Variants in CRB2 observed in about 807,000 individuals in gnomAD.
CRB2 encodes crumbs cell polarity complex component 2, also known as protein crumbs homolog 2.
CRB2 carries 85 observed loss-of-function variants against 110.9 expected under a neutral mutation model. That is an observed-to-expected ratio of 0.77 (90% confidence interval 0.64 to 0.92). CRB2 has a LOEUF of 0.92. Ranked by LOEUF, CRB2 falls within the 40% of genes least tolerant of loss-of-function variation. The pLI is 0.00. For synonymous variants in CRB2, 907 were observed against 831.0 expected, an observed-to-expected ratio of 1.09 and a Z score of -1.57; for missense variants, 1,843 against 1,851.3, an observed-to-expected ratio of 1.00 and a Z score of 0.08.
chr9:123,366,450 G>T, intron 4 of CRB2, 84 bp downstream of exon 4: 2 of 1,440,168 alleles, frequency 1.4e-6, no homozygotes, highest in Non-Finnish European at 1.8e-6. Context: ...CAGGTGTGTG[G>T]CTGCACGCGA....
At chr9:123,354,855 AGAG>A (rs1344659376), upstream of CRB2, among the ~76,000 whole-genome samples, 1 of 152,142 alleles carries the variant, frequency 6.6e-6, no homozygotes, top group Non-Finnish European at 1.5e-5. Flanking sequence ...GCCCCGGGCT[AGAG>A]GGTCGGCCAG....
downstream of CRB2, chr9:123,378,831 T>TTTTTTTTG (rs1588228025): frequency 1.5e-5 from 2 of 132,082 alleles, no homozygotes. Flanking sequence ...TTTTTTTTTT[T>TTTTTTTTG]TGAGATGGAG....
chr9:123,370,845 A>T lies in CRB2; in HGVS notation c.1792A>T (p.Asn598Tyr). 1 of 1,607,048 alleles carries T rather than the reference A, an allele frequency of 6.2e-7. No homozygotes were observed. Among genetic ancestry groups the T allele is most frequent in the Non-Finnish European group, 8.5e-7 (1 of 1,179,778 alleles). Residue 598 changes from asparagine (N) to tyrosine (Y), a missense_variant, in exon 7 of 13, where the codon AAC (asparagine) becomes TAC (tyrosine). Transcript: ENST00000373631. The part of the protein sequence containing the change: ...HLLLPEDLGE[N>Y]VLLGCERREQ... ...CCTGCTGCCTGAGGATCTCGGTGAG[A>T]ACGTCCTCCTGGGCTGTGAGCGCCG...
intron 1 of CRB2, among the ~76,000 whole-genome samples, chr9:123,359,044 C>G (rs1055453152): frequency 6.6e-6 from 1 of 152,204 alleles, no homozygotes; most frequent in Non-Finnish European, 1.5e-5. Flanking sequence ...CCCAAACTCT[C>G]AAGGGTTGGT....
Position 123,367,310 on chromosome 9 carries a change from T to G in CRB2, c.893T>G (p.Phe298Cys). ...GCCGCCTTCCCTGGCGCCTTCAGCT[T>G]CCGCCATGCTGCGGGTTTCCTGTGC... ...VQAAFPGAFS[F>C]RHAAGFLCHC... Residue 298 changes from phenylalanine (F) to cysteine (C), a missense_variant, in exon 5 of 13, where the codon TTC becomes TGC. Physicochemically the swap from Phe to Cys is radical, Grantham distance 205. Coordinates refer to ENST00000373631, the MANE Select transcript of CRB2 (RefSeq NM_173689.7). 6.2e-7 allele frequency: 1 copy of G among 1,604,434 alleles called. No homozygotes were observed. The highest frequency in any genetic ancestry group is 8.5e-7 in the Non-Finnish European group (1 of 1,179,518).
In CRB2 at chr9:123,373,936, A is replaced by AG. The variant is rs534788085; in HGVS notation, c.3389+22dup. 9,653 of 1,549,276 alleles carry AG rather than the reference A, an allele frequency of 6.2e-3. 42 individuals carry two copies. Among genetic ancestry groups the AG allele is most frequent in the Middle Eastern group, 9.6e-3 (57 of 5,910 alleles). On this transcript the variant is annotated intron_variant, in intron 10 of 12. Transcript: ENST00000373631. ...CGCGCTGCAGGTGGGATGGCTGGGCAGGGGGGTGGGCTGCGAATGCCCCCT... is the reference window on the plus strand; with the variant it reads ...CGCGCTGCAGGTGGGATGGCTGGGCAGGGGGGGTGGGCTGCGAATGCCCCCT...
intron 1 of CRB2, among the ~76,000 whole-genome samples, chr9:123,357,874 AC>A (rs2041818363): frequency 6.6e-6 from 1 of 152,200 alleles, no homozygotes; most frequent in Non-Finnish European, 1.5e-5. Context: ...ACACCCCAAC[AC>A]GCACATGTGG....
At position 123,366,154 on chromosome 9, in the gene CRB2, C is replaced by G. The variant is rs747580919; in HGVS notation, c.614+42C>G. Reference sequence around the variant, plus strand: ...GCAGGCGGCAGGGGCGCCGGGTGCCCGAGGGCGGGGAGGCCAGGCGCGGGG... The same window carrying G: ...GCAGGCGGCAGGGGCGCCGGGTGCCGGAGGGCGGGGAGGCCAGGCGCGGGG... On this transcript the variant is annotated intron_variant, in intron 3 of 12. Coordinates refer to ENST00000373631, the MANE Select transcript of CRB2 (RefSeq NM_173689.7). 11 of 1,378,418 alleles carry G rather than the reference C, an allele frequency of 8.0e-6. No homozygotes were observed. In the Middle Eastern group the frequency reaches 7.2e-4, roughly 91 times the overall value. 85.4% of individuals were successfully genotyped at this position (1,378,418 alleles called of 1,614,324 possible). A position where few individuals can be genotyped will look rare whatever the true frequency, so the allele number is the denominator to read the frequency against.
At chr9:123,369,517 G>A (rs148513140) in intron 6 of CRB2, among the ~76,000 whole-genome samples, 65 of 152,270 alleles carry the variant, frequency 4.3e-4, no homozygotes, top group African/African-American at 1.4e-3. Context: ...TTGAAAGGAA[G>A]GGTAAGGGTG....
At chr9:123,361,062 C>T (rs1170380396) in intron 1 of CRB2, among the ~76,000 whole-genome samples, 1 of 151,176 alleles carries the variant, frequency 6.6e-6, no homozygotes, top group Non-Finnish European at 1.5e-5. Context: ...AGGATCCTTT[C>T]CCCGGTGCTG....
rs758002572 is a variant in CRB2 at position 123,372,302 on chromosome 9, C to T, written c.2562C>T (p.Leu854=). 1.7e-5 allele frequency: 27 copies of T among 1,610,726 alleles called. 1 individual carries two copies. In the South Asian group the frequency reaches 3.0e-4, roughly 18 times the overall value. ...QQLWCPGQPC[L]PPATCEEVPD... Reference sequence around the variant, plus strand: ...TGTGGTGTCCCGGCCAGCCCTGTCTCCCACCTGCCACGTGTGAGGAGGTCC... The same window carrying T: ...TGTGGTGTCCCGGCCAGCCCTGTCTTCCACCTGCCACGTGTGAGGAGGTCC... Residue 854 remains leucine (L), a synonymous_variant, in exon 9 of 13, where the codon CTC becomes CTT. Transcript: ENST00000373631.
chr9:123,377,119 A>G lies in CRB2; in HGVS notation c.*57A>G, dbSNP rs147214939. On this transcript the variant is annotated 3_prime_UTR_variant, in exon 13 of 13. Coordinates refer to ENST00000373631, the MANE Select transcript of CRB2 (RefSeq NM_173689.7). ...GGTCCTGAATGGTTTCTACCTGGAG[A>G]CCCAAGGAAGCTGCTTCCAGGGCTC... 1.4e-6 allele frequency: 2 copies of G among 1,424,698 alleles called. No individual in the cohort carries two copies. The highest frequency in any genetic ancestry group is 2.9e-5 in the African/African-American group (2 of 69,792). The allele number at this position is 1,424,698 out of a possible 1,614,324, so 88.3% of individuals were successfully genotyped here.
At position 123,370,149 on chromosome 9, in the gene CRB2, C is replaced by T; in HGVS notation, c.1096C>T (p.Pro366Ser). Residue 366 changes from proline (P) to serine (S), a missense_variant, in exon 7 of 13, where the codon CCC (proline) becomes TCC (serine). Coordinates refer to ENST00000373631, the MANE Select transcript of CRB2 (RefSeq NM_173689.7). ...AGATGTGGATGAATGCCTGTCGGATCCCTGCCTGCACGGCGGAACCTGCAG... is the reference window on the plus strand; with the variant it reads ...AGATGTGGATGAATGCCTGTCGGATTCCTGCCTGCACGGCGGAACCTGCAG... Reference protein sequence around the residue: ...EEDVDECLSDPCLHGGTCSDT... With the variant: ...EEDVDECLSDSCLHGGTCSDT... 2 of 1,605,092 alleles carry T rather than the reference C, an allele frequency of 1.2e-6. No individual in the cohort carries two copies. The highest frequency in any genetic ancestry group is 3.3e-4 in the Middle Eastern group (2 of 6,040).
intron 11 of CRB2, 151 bp downstream of exon 11, chr9:123,374,846 G>T: frequency 1.6e-6 from 1 of 635,172 alleles, no homozygotes; most frequent in Non-Finnish European, 2.7e-6. Flanking sequence ...TCCATGACTC[G>T]CAAGACCATC....
At position 123,373,501 on chromosome 9, in the gene CRB2, C is replaced by T; in HGVS notation, c.2970C>T (p.Ala990=). The T allele has an allele frequency of 6.8e-7, 1 of 1,466,112 alleles. No individual in the cohort carries two copies. 90.8% of individuals were successfully genotyped at this position (1,466,112 alleles called of 1,614,324 possible). A position where few individuals can be genotyped will look rare whatever the true frequency, so the allele number is the denominator to read the frequency against. The change falls in exon 10 of 13, where the codon GCC becomes GCT. Residue 990 remains alanine, a synonymous_variant. Transcript: ENST00000373631. ...CCCCGGTGGCGCTGCGCGGCCTGGC[C>T]AGTGACCTGGGCTTCCTGCAGGGCC... ...AATPVALRGL[A]SDLGFLQGPG...
Position 123,374,692 on chromosome 9 carries a change from A to T in CRB2, c.3503A>T (p.Gln1168Leu). ...NCSCLEGLAGQRCQVPTLPCE... is the reference protein window; with the variant it reads ...NCSCLEGLAGLRCQVPTLPCE... ...AGCTGCCTGGAGGGTCTTGCTGGCC[A>T]GAGGTGGGTCTGGGGGCCTGGGAAC... The change falls in exon 11 of 13, where the codon CAG becomes CTG. Residue 1168 changes from glutamine (Q) to leucine (L), a missense_variant. Coordinates refer to ENST00000373631, the MANE Select transcript of CRB2 (RefSeq NM_173689.7). 1 of 1,606,988 alleles carries T rather than the reference A, an allele frequency of 6.2e-7. No individual in the cohort carries two copies. The highest frequency in any genetic ancestry group is 1.1e-5 in the South Asian group (1 of 90,978).
chr9:123,376,693 C>G (rs769082890), intron 12 of CRB2, 145 bp from the exon 13 acceptor site: 3 of 734,926 alleles, frequency 4.1e-6, no homozygotes, highest in Non-Finnish European at 6.6e-6. Flanking sequence ...ACCCCTGGGG[C>G]TGGGTCTTCA....
At chr9:123,368,704 G>A in intron 6 of CRB2, 1 of 989,592 alleles carries the variant, frequency 1.0e-6, no homozygotes, top group Non-Finnish European at 1.2e-6. Flanking sequence ...GGGGACCCCA[G>A]CTGCAGGGCT....
Position 123,373,309 on chromosome 9 carries a change from T to G in CRB2, c.2778T>G (p.Asn926Lys). 6.8e-7 allele frequency: 1 copy of G among 1,462,340 alleles called. No individual in the cohort carries two copies. Among genetic ancestry groups the G allele is most frequent in the South Asian group, 1.3e-5 (1 of 75,180 alleles). 90.6% of individuals were successfully genotyped at this position (1,462,340 alleles called of 1,614,324 possible). The change falls in exon 10 of 13, where the codon AAT (asparagine) becomes AAG (lysine). Residue 926 changes from asparagine to lysine, a missense_variant. By Grantham distance (94) the Asn-to-Lys change is moderately conservative. Coordinates refer to ENST00000373631, the MANE Select transcript of CRB2 (RefSeq NM_173689.7). ...AAGGCGTGTGGCTGGCGGTGCGCAA[T>G]GGCTCGCTGGCGGGGGGCGTGCGCG... ...ALEGVWLAVR[N>K]GSLAGGVRGG...
Sources: allele counts gnomAD v4.1 joint callset (sites outside exome capture counted in the v4.1 genomes callset), GRCh38; gene constraint gnomAD v4.1.1; transcripts MANE v1.5; gene names NCBI Gene and HGNC (gene_info 2026-07-23, HGNC 2026-07-21).